Variants in PLEKHG6 observed in about 807,000 individuals in gnomAD.
PLEKHG6 encodes the protein pleckstrin homology and RhoGEF domain containing G6.
In PLEKHG6, 91 loss-of-function variants were observed where a neutral mutation model predicts 97.5. The observed-to-expected ratio is 0.93, with a 90% CI of 0.79 to 1.11. PLEKHG6 has a LOEUF of 1.11. PLEKHG6 is among the 50% of genes most tolerant of loss of function. The pLI, the probability that PLEKHG6 is intolerant of heterozygous loss-of-function variation, is 0.00. For synonymous variants in PLEKHG6, 466 were observed against 425.5 expected (o/e 1.10, Z -1.17); for missense variants, 1,044 against 1,031.0 (o/e 1.01, Z -0.17).
chr12:6,315,451 A>G lies in PLEKHG6; in HGVS notation c.460-103A>G. On this transcript the variant is annotated intron_variant, in intron 4 of 15. Coordinates refer to ENST00000684764, the MANE Select transcript of PLEKHG6 (RefSeq NM_001384598.1). This position sits in a 1 kb window ranked among gnomAD's most constrained non-coding sequence, Gnocchi z 4.5. ...GGATTAAAAGGTCATGGTCATGCACAAAGTGCCTAGAACCTATGAAGTGGA... is the reference window on the plus strand; with the variant it reads ...GGATTAAAAGGTCATGGTCATGCACGAAGTGCCTAGAACCTATGAAGTGGA... 1.3e-6 allele frequency: 1 copy of G among 781,664 alleles called. No homozygotes were observed. Among genetic ancestry groups the G allele is most frequent in the Non-Finnish European group, 2.1e-6 (1 of 472,648 alleles). The allele number at this position is 781,664 out of a possible 1,614,324, so 48.4% of individuals were successfully genotyped here.
Position 6,312,086 on chromosome 12 carries a change from C to T in PLEKHG6, c.-68-73C>T, listed in dbSNP as rs1479626808. The T allele has an allele frequency of 1.8e-5, 12 of 658,296 alleles. 1 individual carries two copies. The highest frequency in any genetic ancestry group is 2.8e-5 in the Non-Finnish European group (12 of 422,650). The allele number at this position is 658,296 out of a possible 1,614,324, so 40.8% of individuals were successfully genotyped here. A position where few individuals can be genotyped will look rare whatever the true frequency, so the allele number is the denominator to read the frequency against. On this transcript the variant is annotated intron_variant, in intron 1 of 15. Transcript: ENST00000684764. Reference sequence around the variant, plus strand: ...ATACCCTCCCTCCCAGGCCCCCTACCAGCCTTGGTCTCCCGCCTGGTGCCA... The same window carrying T: ...ATACCCTCCCTCCCAGGCCCCCTACTAGCCTTGGTCTCCCGCCTGGTGCCA...
At chr12:6,322,616 C>A (rs1051490255) in intron 13 of PLEKHG6, among the ~76,000 whole-genome samples, 2 of 152,200 alleles carry the variant, frequency 1.3e-5, no homozygotes, top group African/African-American at 4.8e-5. Flanking sequence ...TAGTGGCTCA[C>A]CTCCTCTAAT....
At chr12:6,326,927 G>C (rs1947878280) in intron 14 of PLEKHG6, among the ~76,000 whole-genome samples, 1 of 152,180 alleles carries the variant, frequency 6.6e-6, no homozygotes, top group Admixed American at 6.5e-5. Context: ...TAGCACCACT[G>C]CTTGGCAGCA....
Position 6,319,012 on chromosome 12 carries a change from C to T in PLEKHG6, c.1428C>T (p.His476=). The T allele has an allele frequency of 6.2e-6, 10 of 1,614,072 alleles. No individual in the cohort carries two copies. Among genetic ancestry groups the T allele is most frequent in the Non-Finnish European group, 8.5e-6 (10 of 1,179,930 alleles). Residue 476 remains histidine (H), a synonymous_variant, in exon 13 of 16, where the codon CAC becomes CAT. Coordinates refer to ENST00000684764, the MANE Select transcript of PLEKHG6 (RefSeq NM_001384598.1). The part of the protein sequence containing the change: ...LRDPNSFLLI[H]LTEFQCVSSA... The stretch of plus-strand genomic sequence containing the variant: ...ATCCAGACAGCTTCCTGCTGATCCA[C>T]CTCACTGAATTCCAGTGTGTCTCCA...
rs143740019 is a variant in PLEKHG6, at chr12:6,315,291, G to A, written c.459+122G>A. 8.8e-6 allele frequency: 9 copies of A among 1,022,014 alleles called. No homozygotes were observed. Among genetic ancestry groups the A allele is most frequent in the South Asian group, 5.0e-5 (3 of 59,906 alleles). The allele number at this position is 1,022,014 out of a possible 1,614,324, so 63.3% of individuals were successfully genotyped here. A position where few individuals can be genotyped will look rare whatever the true frequency, so the allele number is the denominator to read the frequency against. ...ATGTGGAAAAAACATCTGGAAACGC[G>A]TTGATCTGGGTTCAGATCCCAGCTC... is the stretch of plus-strand genomic sequence containing the variant. On this transcript the variant is annotated intron_variant, in intron 4 of 15. Coordinates refer to ENST00000684764, the MANE Select transcript of PLEKHG6 (RefSeq NM_001384598.1). This position sits in a 1 kb window ranked among gnomAD's most constrained non-coding sequence, Gnocchi z 4.5.
At position 6,312,455 on chromosome 12, in the gene PLEKHG6, G is replaced by A. The variant is rs187421150; in HGVS notation, c.138+91G>A. 4.3e-6 allele frequency: 6 copies of A among 1,386,782 alleles called. No homozygotes were observed. The African/African-American group carries it at 7.6e-5, about 18-fold the overall frequency. 85.9% of individuals were successfully genotyped at this position (1,386,782 alleles called of 1,614,324 possible). A position where few individuals can be genotyped will look rare whatever the true frequency, so the allele number is the denominator to read the frequency against. Reference sequence around the variant, plus strand: ...GTCTCTGTCCCCTTACAGGTTCAGAGGTTGAGCTATTCCTGCCCCTTACCC... The same window carrying A: ...GTCTCTGTCCCCTTACAGGTTCAGAAGTTGAGCTATTCCTGCCCCTTACCC... On this transcript the variant is annotated intron_variant, in intron 2 of 15. Coordinates refer to ENST00000684764, the MANE Select transcript of PLEKHG6 (RefSeq NM_001384598.1).
At chr12:6,321,987 T>A (rs1160427843) in intron 13 of PLEKHG6, among the ~76,000 whole-genome samples, 2 of 152,090 alleles carry the variant, frequency 1.3e-5, no homozygotes, top group Admixed American at 6.6e-5. Context: ...CAACTTCAAT[T>A]TCGTCATCTG....
In PLEKHG6 at chr12:6,328,138, A is replaced by G. The variant is rs1947942369; in HGVS notation, c.2366A>G (p.Glu789Gly). The stretch of plus-strand genomic sequence containing the variant: ...AACACCCCCTCCTGTCTTTTCAGAG[A>G]GGTATGAGGAATGCAGAGGACCTTT... ...IQLDTPLSAS[E>G]V The change falls in exon 16 of 16, where the codon GAG (glutamate) becomes GGG (glycine). Residue 789 changes from glutamate (E) to glycine (G), a missense_variant and splice_region_variant. Coordinates refer to ENST00000684764, the MANE Select transcript of PLEKHG6 (RefSeq NM_001384598.1). The G allele has an allele frequency of 6.2e-6, 10 of 1,613,820 alleles. No individual in the cohort carries two copies. The highest frequency in any genetic ancestry group is 8.5e-6 in the Non-Finnish European group (10 of 1,179,944).
chr12:6,327,314 T>A lies in PLEKHG6; in HGVS notation c.1731T>A (p.Asp577Glu), dbSNP rs1391984039. The A allele has an allele frequency of 1.2e-6, 2 of 1,613,784 alleles. No individual in the cohort carries two copies. Among genetic ancestry groups the A allele is most frequent in the South Asian group, 1.1e-5 (1 of 91,048 alleles). Residue 577 changes from aspartate to glutamate, a missense_variant, in exon 15 of 16, where the codon GAT (aspartate) becomes GAA (glutamate). Coordinates refer to ENST00000684764, the MANE Select transcript of PLEKHG6 (RefSeq NM_001384598.1). Reference sequence around the variant, plus strand: ...TGGTGACAGAAGACACAGATGAAGATGCTCCCCTTGTGCCAGATGATACCT... The same window carrying A: ...TGGTGACAGAAGACACAGATGAAGAAGCTCCCCTTGTGCCAGATGATACCT... ...HLVVTEDTDE[D>E]APLVPDDTSD...
Position 6,315,975 on chromosome 12 carries a change from T to G in PLEKHG6, c.606+56T>G. On this transcript the variant is annotated intron_variant, in intron 6 of 15. Coordinates refer to ENST00000684764, the MANE Select transcript of PLEKHG6 (RefSeq NM_001384598.1). This position sits in a 1 kb window ranked among gnomAD's most constrained non-coding sequence, Gnocchi z 4.5. ...ACAGCCCGACCTCTGAGCCTGGGGA[T>G]GAGGGTGGGCCCTCCAGCCATCCCT... 1 of 1,458,596 alleles carries G rather than the reference T, an allele frequency of 6.9e-7. No homozygotes were observed. The allele number at this position is 1,458,596 out of a possible 1,614,324, so 90.4% of individuals were successfully genotyped here.
Position 6,315,130 on chromosome 12 carries a change from C to A in PLEKHG6, c.420C>A (p.Thr140=), listed in dbSNP as rs867888901. 2.0e-5 allele frequency: 32 copies of A among 1,612,272 alleles called. No individual in the cohort carries two copies. The highest frequency in any genetic ancestry group is 2.5e-5 in the Non-Finnish European group (30 of 1,179,996). ...GAGAGGGTGGCGACAGTGGCCTGAC[C>A]ATCGAGAAGTCCTGGAGGGAGCTGG... ...EIGEGGDSGL[T]IEKSWRELVP... Residue 140 remains threonine (T), a synonymous_variant, in exon 4 of 16, where the codon ACC becomes ACA. Transcript: ENST00000684764. This position sits in a 1 kb window ranked among gnomAD's most constrained non-coding sequence, Gnocchi z 4.5.
chr12:6,327,443 C>T lies in PLEKHG6; in HGVS notation c.1860C>T (p.Thr620=), dbSNP rs762618088. Residue 620 remains threonine, a synonymous_variant, in exon 15 of 16, where the codon ACC becomes ACT. Coordinates refer to ENST00000684764, the MANE Select transcript of PLEKHG6 (RefSeq NM_001384598.1). ...CCCTTCGGCGGGACCCTCGCCTCAC[C>T]TTCTCCACCCTGGAACTCCGGGACA... ...QRALRRDPRL[T]FSTLELRDIP... is the part of the protein sequence containing the mutation. 6.2e-6 allele frequency: 10 copies of T among 1,613,554 alleles called. No individual in the cohort carries two copies. The East Asian group carries it at 2.2e-4, about 36-fold the overall frequency.
In PLEKHG6 at chr12:6,327,686, T is replaced by C; in HGVS notation, c.2103T>C (p.Ala701=). The stretch of plus-strand genomic sequence containing the variant: ...AGCTTCCCTCCTCCCCAACCCATGC[T>C]GACTCTGCCGGGGAAAGCCCCTGGG... The part of the protein sequence containing the change: ...RGQLPSSPTH[A]DSAGESPWES... The change falls in exon 15 of 16, where the codon GCT becomes GCC. Residue 701 remains alanine, a synonymous_variant. Transcript: ENST00000684764. The C allele has an allele frequency of 6.4e-7, 1 of 1,563,846 alleles. No individual in the cohort carries two copies. Among genetic ancestry groups the C allele is most frequent in the Non-Finnish European group, 8.7e-7 (1 of 1,152,516 alleles).
At chr12:6,314,528 C>A (rs1198467709) in intron 3 of PLEKHG6, among the ~76,000 whole-genome samples, 1 of 151,862 alleles carries the variant, frequency 6.6e-6, no homozygotes, top group Non-Finnish European at 1.5e-5. Flanking sequence ...AAAAAAGAAA[C>A]CTGTAAAATG....
intron 3 of PLEKHG6, 57 bp downstream of exon 3, chr12:6,313,841 C>G: frequency 6.8e-7 from 1 of 1,462,358 alleles, no homozygotes. Flanking sequence ...GTGATGGCTC[C>G]GCAGATGACC....
At position 6,316,333 on chromosome 12, in the gene PLEKHG6, C is replaced by A; in HGVS notation, c.685C>A (p.Pro229Thr). ...HRSFWDEVLG[P>T]TLEETRASGQ... ...GAGCTTTTGGGATGAGGTGCTGGGG[C>A]CCACCCTGGAGGAGACTCGGGCCTC... The change falls in exon 7 of 16, where the codon CCC becomes ACC. Residue 229 changes from proline to threonine, a missense_variant. Transcript: ENST00000684764. The surrounding 1 kb of genome is among the most constrained non-coding windows in gnomAD (Gnocchi z 4.1). 2 of 1,561,574 alleles carry A rather than the reference C, an allele frequency of 1.3e-6. No individual in the cohort carries two copies. The highest frequency in any genetic ancestry group is 1.7e-6 in the Non-Finnish European group (2 of 1,152,164).
rs375777344 is a variant in PLEKHG6, at chr12:6,316,327, C to G, written c.679C>G (p.Leu227Val). 21 of 1,560,166 alleles carry G rather than the reference C, an allele frequency of 1.3e-5. No individual in the cohort carries two copies. Among genetic ancestry groups the G allele is most frequent in the Non-Finnish European group, 1.7e-5 (19 of 1,151,304 alleles). The change falls in exon 7 of 16, where the codon CTG becomes GTG. Residue 227 changes from leucine to valine, a missense_variant. By Grantham distance (32) the Leu-to-Val change is conservative. Transcript: ENST00000684764. The surrounding 1 kb of genome is among the most constrained non-coding windows in gnomAD (Gnocchi z 4.1). Reference protein sequence around the residue: ...RTHRSFWDEVLGPTLEETRAS... With the variant: ...RTHRSFWDEVVGPTLEETRAS... ...CCACCGGAGCTTTTGGGATGAGGTGCTGGGGCCCACCCTGGAGGAGACTCG... is the reference window on the plus strand; with the variant it reads ...CCACCGGAGCTTTTGGGATGAGGTGGTGGGGCCCACCCTGGAGGAGACTCG...
chr12:6,318,663 C>A, intron 11 of PLEKHG6, 82 bp from the exon 12 acceptor site: 2 of 1,480,750 alleles, frequency 1.4e-6, no homozygotes, highest in Non-Finnish European at 1.9e-6. Flanking sequence ...TGCCTGCGCA[C>A]CATGCCTGAG....
intron 2 of PLEKHG6, 47 bp downstream of exon 2, chr12:6,312,411 A>G: frequency 6.5e-7 from 1 of 1,542,726 alleles, no homozygotes; most frequent in Non-Finnish European, 8.7e-7. Context: ...GGCAGGAGGG[A>G]AGACACCTAG....
Sources: gnomAD v4.1 joint callset for allele counts (sites outside exome capture counted in the v4.1 genomes callset) on GRCh38, gnomAD v4.1.1 for gene constraint, Gnocchi (gnomAD v3.1) non-coding constraint, MANE v1.5 for transcripts, NCBI Gene and HGNC (gene_info 2026-07-23, HGNC 2026-07-21) for gene names.